Variants in TPM2 observed in about 807,000 individuals in gnomAD.
TPM2 encodes the protein tropomyosin 2.
TPM2 carries 26 observed loss-of-function variants against 41.0 expected under a neutral mutation model. That is an observed-to-expected ratio of 0.63 (90% CI 0.46 to 0.88). The LOEUF (loss-of-function observed/expected upper bound fraction) is 0.88. Among genes scored for constraint, TPM2 ranks in the 40% least tolerant of loss-of-function variants. The pLI is 0.00. For missense variants in TPM2, 187 were observed against 355.2 expected (o/e 0.53, Z 3.81); for synonymous variants, 143 against 139.3 (o/e 1.03, Z -0.19).
chr9:35,687,926 A>T (rs1825017685), intron 2 of TPM2, among the ~76,000 whole-genome samples: 1 of 152,072 alleles, frequency 6.6e-6, no homozygotes, highest in Non-Finnish European at 1.5e-5. Context: ...AATGGGAAGC[A>T]AGAGAGAGGG....
rs1378679087 is a variant in TPM2, at chr9:35,685,628, C to T, written c.374+19G>A. The stretch of plus-strand genomic sequence containing the variant: ...TCCCTTCTCCCTCCCGGACCATCCT[C>T]CCCGAGGCCCCTGACCACCTCTCGC... On this transcript the variant is annotated intron_variant, in intron 3 of 8. Coordinates refer to ENST00000645482, the MANE Select transcript of TPM2 (RefSeq NM_003289.4). The surrounding 1 kb of genome is among the most constrained non-coding windows in gnomAD (Gnocchi z 5.0). The T allele has an allele frequency of 6.2e-7, 1 of 1,614,178 alleles. No homozygotes were observed. Among genetic ancestry groups the T allele is most frequent in the Admixed American group, 1.7e-5 (1 of 60,024 alleles).
At chr9:35,682,347 G>T (rs1824612947), downstream of TPM2, 4 of 948,076 alleles carry the variant, frequency 4.2e-6, no homozygotes, top group Non-Finnish European at 6.4e-6. Context: ...GAACAGGACG[G>T]ACGTGGATGC....
At chr9:35,688,176 A>T (rs1203394005) in intron 2 of TPM2, among the ~76,000 whole-genome samples, 2 of 152,144 alleles carry the variant, frequency 1.3e-5, no homozygotes, top group East Asian at 3.8e-4. Flanking sequence ...GCTGCAGGTC[A>T]GCTCCCTCCC....
At position 35,683,216 on chromosome 9, in the gene TPM2, C is replaced by T; in HGVS notation, c.798G>A (p.Lys266=). The change falls in exon 9 of 9, where the codon AAG becomes AAA. Residue 266 remains lysine (K), a synonymous_variant. Coordinates refer to ENST00000645482, the MANE Select transcript of TPM2 (RefSeq NM_003289.4). ...CCAGTTCCTCGCTAATGGCCTTGTA[C>T]TTCATCTTCTGGGCATAGACTTCAT... is the stretch of plus-strand genomic sequence containing the variant. ...LEDEVYAQKM[K]YKAISEELDN... is the part of the protein sequence containing the mutation. 6.4e-7 allele frequency: 1 copy of T among 1,552,428 alleles called. No individual in the cohort carries two copies. Among genetic ancestry groups the T allele is most frequent in the Non-Finnish European group, 8.7e-7 (1 of 1,146,308 alleles).
chr9:35,682,422 C>T, downstream of TPM2: 7 of 1,274,382 alleles, frequency 5.5e-6, no homozygotes, highest in African/African-American at 3.0e-5. Context: ...CTACTTTATC[C>T]TCTTCTTTAG....
chr9:35,688,974 C>A (rs1252893911), intron 2 of TPM2, among the ~76,000 whole-genome samples, 172 bp downstream of exon 2: 2 of 152,176 alleles, frequency 1.3e-5, no homozygotes, highest in African/African-American at 4.8e-5. Context: ...TATCCACTGT[C>A]TTGGATTACT....
At chr9:35,688,060 C>T (rs576891995) in intron 2 of TPM2, among the ~76,000 whole-genome samples, 2 of 152,262 alleles carry the variant, frequency 1.3e-5, no homozygotes, top group South Asian at 4.1e-4. Context: ...GTCCCCCCTG[C>T]CCCTCCAGCC....
intron 5 of TPM2, 54 bp from the exon 6 acceptor site, chr9:35,684,861 A>C: frequency 6.2e-7 from 1 of 1,613,756 alleles, no homozygotes; most frequent in Non-Finnish European, 8.5e-7. Flanking sequence ...GCGAAGCCAG[A>C]CAGTGGAGAT....
intron 8 of TPM2, chr9:35,684,002 A>C: frequency 9.5e-6 from 5 of 523,840 alleles, no homozygotes; most frequent in East Asian, 3.5e-5. Context: ...GAGTCAAGGA[A>C]TCTGTTTTTA....
chr9:35,688,822 G>A (rs188088053), intron 2 of TPM2, among the ~76,000 whole-genome samples: 120 of 152,272 alleles, frequency 7.9e-4, no homozygotes, highest in African/African-American at 2.8e-3. Context: ...TCAGCTGGAG[G>A]ATTAATTGAG....
chr9:35,688,059 G>T (rs1443205750), intron 2 of TPM2, among the ~76,000 whole-genome samples: 1 of 152,024 alleles, frequency 6.6e-6, no homozygotes, highest in Admixed American at 6.5e-5. Context: ...TGTCCCCCCT[G>T]CCCCTCCAGC....
At chr9:35,687,367 T>C (rs1824980664) in intron 2 of TPM2, among the ~76,000 whole-genome samples, 1 of 151,904 alleles carries the variant, frequency 6.6e-6, no homozygotes, top group African/African-American at 2.4e-5. Context: ...CCACATTCCA[T>C]AAATATTAGG....
chr9:35,686,326 G>A (rs2131855121), intron 2 of TPM2: 1 of 182,556 alleles, frequency 5.5e-6, no homozygotes, highest in Non-Finnish European at 1.2e-5. Flanking sequence ...CCTGCACTGT[G>A]CACAGTTAGT....
Position 35,685,122 on chromosome 9 carries a change from T to G in TPM2, c.563+147A>C, listed in dbSNP as rs1329960631. ...CTGGTCCATGGTTCGAAGTTCCTCCTCCAGCTGTCTGGCTCGGCTGGGGGC... is the reference window on the plus strand; with the variant it reads ...CTGGTCCATGGTTCGAAGTTCCTCCGCCAGCTGTCTGGCTCGGCTGGGGGC... On this transcript the variant is annotated intron_variant, in intron 5 of 8. Transcript: ENST00000645482. The surrounding 1 kb of genome is among the most constrained non-coding windows in gnomAD (Gnocchi z 5.0). The G allele has an allele frequency of 1.2e-6, 2 of 1,614,134 alleles. No homozygotes were observed. The highest frequency in any genetic ancestry group is 1.3e-5 in the African/African-American group (1 of 75,026).
intron 8 of TPM2, 197 bp downstream of exon 8, chr9:35,684,049 G>C (rs1488363633): frequency 1.6e-6 from 1 of 619,588 alleles, no homozygotes; most frequent in Non-Finnish European, 2.9e-6. Flanking sequence ...GCTGAAGTTT[G>C]AGAAGCACTG....
At chr9:35,686,998 C>A (rs546985201) in intron 2 of TPM2, among the ~76,000 whole-genome samples, 7 of 152,352 alleles carry the variant, frequency 4.6e-5, no homozygotes, top group Non-Finnish European at 8.8e-5. Flanking sequence ...TGTCTTTGAG[C>A]CACGGCTCAG....
chr9:35,684,983 A>T, intron 5 of TPM2, 176 bp from the exon 6 acceptor site: 2 of 1,613,560 alleles, frequency 1.2e-6, no homozygotes, highest in Non-Finnish European at 1.7e-6. Context: ...GCTGAGAAAG[A>T]GCAGCCTGCG....
chr9:35,683,442 C>G (rs980805120), intron 8 of TPM2, among the ~76,000 whole-genome samples: 4 of 152,194 alleles, frequency 2.6e-5, no homozygotes, highest in Non-Finnish European at 5.9e-5. Context: ...TCTTTTCTGT[C>G]CTTCTCTGTA....
chr9:35,685,715 G>T lies in TPM2; in HGVS notation c.306C>A (p.Ala102=). ...IQLVEEELDR[A]QERLATALQK... is the part of the protein sequence containing the mutation. ...GCAGGGCTGTAGCCAGGCGCTCCTG[G>T]GCCCGGTCCAGCTCCTCCTCAACCA... The change falls in exon 3 of 9, where the codon GCC becomes GCA. Residue 102 remains alanine, a synonymous_variant. Coordinates refer to ENST00000645482, the MANE Select transcript of TPM2 (RefSeq NM_003289.4). This position sits in a 1 kb window ranked among gnomAD's most constrained non-coding sequence, Gnocchi z 5.0. 6.2e-7 allele frequency: 1 copy of T among 1,614,128 alleles called. No homozygotes were observed. The highest frequency in any genetic ancestry group is 8.5e-7 in the Non-Finnish European group (1 of 1,180,030).
Sources: allele counts gnomAD v4.1 joint callset (sites outside exome capture counted in the v4.1 genomes callset), GRCh38; gene constraint gnomAD v4.1.1; non-coding constraint Gnocchi (gnomAD v3.1); transcripts MANE v1.5; gene names NCBI Gene and HGNC (gene_info 2026-07-23, HGNC 2026-07-21).